Variants in APOB observed in about 807,000 individuals in gnomAD.
APOB encodes the protein apolipoprotein B.
A neutral mutation model predicts 314.1 loss-of-function variants in APOB; 153 were observed. The observed-to-expected ratio is 0.49, with a 90% confidence interval of 0.43 to 0.56. The LOEUF (loss-of-function observed/expected upper bound fraction) is 0.56, where lower values mean the gene tolerates loss of function less well. Ranked by LOEUF, APOB falls within the 20% of genes least tolerant of loss-of-function variation. The pLI, the probability that APOB is intolerant of heterozygous loss-of-function variation, is 0.00. For synonymous variants in APOB, 2,087 were observed against 2,036.4 expected, an observed-to-expected ratio of 1.02 and a Z score of -0.67; for missense variants, 5,430 against 5,350.7, an observed-to-expected ratio of 1.01 and a Z score of -0.46.
intron 5 of APOB, among the ~76,000 whole-genome samples, chr2:21,037,512 C>T (rs1372679523): frequency 1.3e-5 from 2 of 152,064 alleles, no homozygotes; most frequent in South Asian, 2.1e-4. Context: ...ATTATGGTGT[C>T]GTAGAGAAAT....
chr2:21,017,713 C>T (rs1304000437), intron 20 of APOB, among the ~76,000 whole-genome samples: 1 of 152,148 alleles, frequency 6.6e-6, no homozygotes, highest in African/African-American at 2.4e-5. Flanking sequence ...TCCCCAACTC[C>T]CCCTTTCTTT....
intron 14 of APOB, 134 bp from the exon 15 acceptor site, chr2:21,027,098 T>C: frequency 1.2e-6 from 1 of 801,012 alleles, no homozygotes; most frequent in South Asian, 1.5e-5. Context: ...ACCTTAGCAT[T>C]TCACAGGAGC....
chr2:21,037,000 C>T (rs911910997), intron 6 of APOB, 100 bp downstream of exon 6: 63 of 1,466,648 alleles, frequency 4.3e-5, no homozygotes, highest in Middle Eastern at 2.3e-4. Flanking sequence ...ACAGCCAGGG[C>T]AGGCTGTCCT....
intron 16 of APOB, 89 bp from the exon 17 acceptor site, chr2:21,023,781 T>C (rs968898232): frequency 5.4e-6 from 6 of 1,109,486 alleles, no homozygotes; most frequent in Non-Finnish European, 7.6e-6. Context: ...TGGAGAGTAA[T>C]TCCTCTTTAT....
chr2:21,035,434 G>A (rs571545577), intron 7 of APOB, 150 bp downstream of exon 7: 183 of 1,009,276 alleles, frequency 1.8e-4, no homozygotes, highest in African/African-American at 1.2e-3. Context: ...TGGCCTGTTC[G>A]CTTAAAAAGG....
At chr2:21,037,031 A>G in intron 6 of APOB, 69 bp downstream of exon 6, 1 of 1,603,210 alleles carries the variant, frequency 6.2e-7, no homozygotes, top group South Asian at 1.1e-5. Context: ...CACTAGCTCA[A>G]AAGTTCTGGA....
chr2:21,030,356 A>G (rs1474933591), intron 10 of APOB, among the ~76,000 whole-genome samples: 2 of 152,202 alleles, frequency 1.3e-5, no homozygotes, highest in East Asian at 3.9e-4. Flanking sequence ...TAGGGAAAGG[A>G]CACCCTTTTC....
rs1663006964 is a variant in APOB at position 21,002,391 on chromosome 2, A to C, written c.13031T>G (p.Val4344Gly). ...TAGGTTTTCTTTCAACAATTTAAAAACATATGGGATATAATCACTGAAGAT... is the reference window on the plus strand; with the variant it reads ...TAGGTTTTCTTTCAACAATTTAAAACCATATGGGATATAATCACTGAAGAT... ...NTIFSDYIPY[V>G]FKLLKENLCL... Residue 4344 changes from valine to glycine, a missense_variant, in exon 29 of 29, where the codon GTT (valine) becomes GGT (glycine). Physicochemically the swap from Val to Gly is moderately radical, Grantham distance 109. Transcript: ENST00000233242. The C allele has an allele frequency of 3.7e-6, 6 of 1,600,952 alleles. No homozygotes were observed. The highest frequency in any genetic ancestry group is 1.7e-5 in the Admixed American group (1 of 58,008).
intron 3 of APOB, 28 bp downstream of exon 3, chr2:21,042,333 A>C: frequency 6.4e-7 from 1 of 1,562,908 alleles, no homozygotes; most frequent in Non-Finnish European, 8.8e-7. Context: ...TGTGGGCTCT[A>C]GGTCCCTCCT....
intron 16 of APOB, 84 bp from the exon 17 acceptor site, chr2:21,023,776 A>G: frequency 8.7e-7 from 1 of 1,147,942 alleles, no homozygotes; most frequent in Non-Finnish European, 1.2e-6. Flanking sequence ...TACATTGGAG[A>G]GTAATTCCTC....
In APOB at chr2:21,007,937, T is replaced by C. The variant is rs1663192234; in HGVS notation, c.8931A>G (p.Glu2977=). 6.2e-7 allele frequency: 1 copy of C among 1,613,940 alleles called. No individual in the cohort carries two copies. The highest frequency in any genetic ancestry group is 1.7e-5 in the Admixed American group (1 of 59,996). Residue 2977 remains glutamate, a synonymous_variant, in exon 26 of 29, where the codon GAA becomes GAG. Coordinates refer to ENST00000233242, the MANE Select transcript of APOB (RefSeq NM_000384.3). The part of the protein sequence containing the change: ...HLRVNQNLVY[E]SGSLNFSKLE... Reference sequence around the variant, plus strand: ...GTTTAGAAAAGTTGAGGGAGCCAGATTCATAAACCAAGTTTTGGTTTACTC... The same window carrying C: ...GTTTAGAAAAGTTGAGGGAGCCAGACTCATAAACCAAGTTTTGGTTTACTC...
intron 12 of APOB, 56 bp downstream of exon 12, chr2:21,029,583 C>T: frequency 6.3e-7 from 1 of 1,593,016 alleles, no homozygotes; most frequent in Non-Finnish European, 8.6e-7. Context: ...CCCCTAGTAC[C>T]TTCCAAATCC....
intron 8 of APOB, 59 bp from the exon 9 acceptor site, chr2:21,033,577 T>C: frequency 7.0e-7 from 1 of 1,433,986 alleles, no homozygotes; most frequent in South Asian, 1.1e-5. Context: ...CATATCTTTG[T>C]CTACTGGAAG....
chr2:21,013,669 A>G (rs930828933), intron 24 of APOB, 136 bp from the exon 25 acceptor site: 2 of 1,241,368 alleles, frequency 1.6e-6, no homozygotes, highest in Non-Finnish European at 2.3e-6. Flanking sequence ...TGCTACTCCT[A>G]TGCCTGGACC....
chr2:21,037,064 C>T (rs1229877197), intron 6 of APOB, 36 bp downstream of exon 6: 5 of 1,613,564 alleles, frequency 3.1e-6, no homozygotes, highest in South Asian at 1.1e-5. Context: ...AGAGGATGCT[C>T]CTTGCTGTGC....
chr2:21,037,490 G>A (rs1664035047), intron 5 of APOB, among the ~76,000 whole-genome samples: 1 of 152,166 alleles, frequency 6.6e-6, no homozygotes, highest in African/African-American at 2.4e-5. Context: ...GGTTGCATCG[G>A]TGTCTTCTCC....
chr2:21,009,310 G>T lies in APOB; in HGVS notation c.7558C>A (p.Arg2520=), dbSNP rs746483297. 6.2e-7 allele frequency: 1 copy of T among 1,614,072 alleles called. No individual in the cohort carries two copies. The highest frequency in any genetic ancestry group is 1.3e-5 in the African/African-American group (1 of 75,040). Residue 2520 remains arginine, a synonymous_variant, in exon 26 of 29, where the codon CGA becomes AGA. Coordinates refer to ENST00000233242, the MANE Select transcript of APOB (RefSeq NM_000384.3). The part of the protein sequence containing the change: ...AKFRETLEDT[R]DRMYQMDIQQ... ...ATGTCCATTTGATACATTCGGTCTC[G>T]TGTATCTTCTAGGGTCTCTCGGAAT...
At chr2:21,028,251 G>T in intron 13 of APOB, 76 bp downstream of exon 13, 1 of 1,329,106 alleles carries the variant, frequency 7.5e-7, no homozygotes, top group Non-Finnish European at 1.1e-6. Flanking sequence ...GGCAGACAGT[G>T]GCTATGCCAA....
chr2:21,037,042 A>G, intron 6 of APOB, 58 bp downstream of exon 6: 1 of 1,609,404 alleles, frequency 6.2e-7, no homozygotes, highest in South Asian at 1.1e-5. Context: ...AAGTTCTGGA[A>G]TTGTATTAAT....
Sources: allele counts gnomAD v4.1 joint callset (sites outside exome capture counted in the v4.1 genomes callset), GRCh38; gene constraint gnomAD v4.1.1; transcripts MANE v1.5; gene names NCBI Gene and HGNC (gene_info 2026-07-23, HGNC 2026-07-21).